DNAJC25: variants seen among roughly 807,000 people sequenced by gnomAD.
DNAJC25 encodes DnaJ heat shock protein family (Hsp40) member C25.
In DNAJC25, 26 loss-of-function variants were observed where a neutral mutation model predicts 42.1. The observed-to-expected ratio is 0.62, with a 90% confidence interval of 0.45 to 0.86. The LOEUF (loss-of-function observed/expected upper bound fraction) is 0.86. Ranked by LOEUF, DNAJC25 falls within the 40% of genes least tolerant of loss-of-function variation. The pLI is 0.00. For synonymous variants in DNAJC25, 189 were observed against 179.9 expected (o/e 1.05, Z -0.40); for missense variants, 404 against 459.4 (o/e 0.88, Z 1.10).
At chr9:111,641,144 C>CTCT (rs1830453248) in intron 1 of DNAJC25, among the ~76,000 whole-genome samples, 2 of 98,166 alleles carry the variant, frequency 2.0e-5, no homozygotes, top group African/African-American at 5.2e-5. Context: ...TCAGCCCCCC[C>CTCT]ACCCGGCCAG....
intron 1 of DNAJC25, among the ~76,000 whole-genome samples, chr9:111,644,500 A>G (rs1349402317): frequency 6.6e-6 from 1 of 152,224 alleles, no homozygotes; most frequent in Non-Finnish European, 1.5e-5. Context: ...GAACAAAAAG[A>G]GAAGATAGTC....
intron 2 of DNAJC25, among the ~76,000 whole-genome samples, 168 bp from the exon 3 acceptor site, chr9:111,649,285 G>T (rs1830612106): frequency 6.6e-6 from 1 of 151,796 alleles, no homozygotes; most frequent in Non-Finnish European, 1.5e-5. Flanking sequence ...TGTACGCATG[G>T]GCTTCGTTCA....
intron 2 of DNAJC25, among the ~76,000 whole-genome samples, chr9:111,648,546 A>T (rs1037998682): frequency 6.6e-6 from 1 of 152,160 alleles, no homozygotes; most frequent in African/African-American, 2.4e-5. Flanking sequence ...CTGGGATTAC[A>T]GGCATGAGCC....
intron 1 of DNAJC25, among the ~76,000 whole-genome samples, chr9:111,633,536 C>T (rs1830319215): frequency 6.6e-6 from 1 of 152,148 alleles, no homozygotes. Context: ...CGCTTACCCT[C>T]TGTGTCAACC....
intron 1 of DNAJC25, among the ~76,000 whole-genome samples, chr9:111,633,172 C>G (rs898417696): frequency 4.6e-5 from 7 of 152,132 alleles, no homozygotes; most frequent in Non-Finnish European, 1.0e-4. Flanking sequence ...TGTAGTCAGC[C>G]AGAAGCCCTG....
At chr9:111,651,650 G>T (rs1258263068) in intron 3 of DNAJC25, among the ~76,000 whole-genome samples, 3 of 152,064 alleles carry the variant, frequency 2.0e-5, no homozygotes, top group Admixed American at 6.6e-5. Context: ...ACTTTGGGAG[G>T]CCCAGGCAGG....
chr9:111,637,407 G>A (rs1425714232), intron 1 of DNAJC25, among the ~76,000 whole-genome samples: 1 of 152,122 alleles, frequency 6.6e-6, no homozygotes, highest in East Asian at 1.9e-4. Flanking sequence ...TTTGAGAATG[G>A]TTTGGGGAGG....
At position 111,631,737 on chromosome 9, in the gene DNAJC25, A is replaced by C. The variant is rs569471817; in HGVS notation, c.330A>C (p.Thr110=). 6.6e-7 allele frequency: 1 copy of C among 1,517,122 alleles called. No homozygotes were observed. Among genetic ancestry groups the C allele is most frequent in the African/African-American group, 1.4e-5 (1 of 70,160 alleles). The allele number at this position is 1,517,122 out of a possible 1,614,324, so 94.0% of individuals were successfully genotyped here. A position where few individuals can be genotyped will look rare whatever the true frequency, so the allele number is the denominator to read the frequency against. The change falls in exon 1 of 4, where the codon ACA becomes ACC. Residue 110 remains threonine, a synonymous_variant. Coordinates refer to ENST00000313525, the MANE Select transcript of DNAJC25 (RefSeq NM_001015882.3). Reference sequence around the variant, plus strand: ...TGCTGGTGGCAACCGCCTACGAGACACTCAAGGTGAGGCCTGCGGGCGTGG... The same window carrying C: ...TGCTGGTGGCAACCGCCTACGAGACCCTCAAGGTGAGGCCTGCGGGCGTGG... The part of the protein sequence containing the change: ...AFLLVATAYE[T]LKDEETRKDY...
chr9:111,646,617 C>A (rs1327105654), intron 1 of DNAJC25, among the ~76,000 whole-genome samples: 1 of 152,202 alleles, frequency 6.6e-6, no homozygotes, highest in Non-Finnish European at 1.5e-5. Flanking sequence ...CGTTGGGCTG[C>A]ATGGGTGTCT....
intron 1 of DNAJC25, among the ~76,000 whole-genome samples, chr9:111,639,100 C>T (rs552889875): frequency 5.3e-5 from 8 of 152,148 alleles, no homozygotes; most frequent in African/African-American, 1.9e-4. Flanking sequence ...AATCCCATTG[C>T]TAGTGTTTTT....
chr9:111,650,284 C>A (rs1830637704), intron 3 of DNAJC25, among the ~76,000 whole-genome samples: 1 of 146,414 alleles, frequency 6.8e-6, no homozygotes, highest in African/African-American at 2.6e-5. Flanking sequence ...TACTGTAAAC[C>A]TAGCCACAGA....
intron 1 of DNAJC25, 41 bp from the exon 2 acceptor site, chr9:111,647,066 A>G: frequency 6.4e-7 from 1 of 1,566,058 alleles, no homozygotes; most frequent in Non-Finnish European, 8.7e-7. Flanking sequence ...AGGCCATTTA[A>G]TGGACTGTCC....
At position 111,647,271 on chromosome 9, in the gene DNAJC25, T is replaced by A. The variant is rs764227926; in HGVS notation, c.489+12T>A. 1.7e-5 allele frequency: 27 copies of A among 1,613,588 alleles called. No homozygotes were observed. In the East Asian group the frequency reaches 5.1e-4, roughly 31 times the overall value. On this transcript the variant is annotated intron_variant, in intron 2 of 3. Coordinates refer to ENST00000313525, the MANE Select transcript of DNAJC25 (RefSeq NM_001015882.3). The stretch of plus-strand genomic sequence containing the variant: ...TTTCGGTGTTTCAGGTATGTATCAA[T>A]GGATATTTTTATCTACATTTATGTG...
In DNAJC25 at chr9:111,649,811, T is replaced by G; in HGVS notation, c.848T>G (p.Leu283Ter). 6.2e-7 allele frequency: 1 copy of G among 1,613,884 alleles called. No homozygotes were observed. The change falls in exon 3 of 4, where the codon TTA becomes TGA. Residue 283 changes from leucine (L) to a stop codon, truncating the protein, a stop_gained. Coordinates refer to ENST00000313525, the MANE Select transcript of DNAJC25 (RefSeq NM_001015882.3). LOFTEE classifies it high-confidence loss of function. ...KGKEYGEEER[L>*]YIIRKSMKMS... ...AAAGAATATGGAGAGGAAGAGAGAT[T>G]ATACATTATACGTAAATCTATGAAG...
intron 1 of DNAJC25, among the ~76,000 whole-genome samples, chr9:111,643,820 C>G (rs963806572): frequency 2.6e-5 from 4 of 151,870 alleles, no homozygotes; most frequent in Admixed American, 1.3e-4. Context: ...TACTTGAGTC[C>G]CAGAAGGATG....
intron 1 of DNAJC25, among the ~76,000 whole-genome samples, chr9:111,645,244 A>G (rs1470437620): frequency 6.8e-6 from 1 of 148,052 alleles, no homozygotes; most frequent in Non-Finnish European, 1.5e-5. Context: ...ATGATCTCAC[A>G]CAGATTCAAA....
intron 1 of DNAJC25, among the ~76,000 whole-genome samples, chr9:111,641,658 C>T: frequency 7.1e-6 from 1 of 141,722 alleles, no homozygotes. Context: ...GCCAGCCGCC[C>T]CGTCCGGGAG....
At chr9:111,647,684 C>G (rs1284886824) in intron 2 of DNAJC25, among the ~76,000 whole-genome samples, 2 of 152,224 alleles carry the variant, frequency 1.3e-5, no homozygotes, top group Non-Finnish European at 2.9e-5. Flanking sequence ...TTGTAACAAC[C>G]AGAAATGTCC....
chr9:111,653,806 T>C lies in DNAJC25; in HGVS notation c.*584T>C, dbSNP rs1244830728. On this transcript the variant is annotated 3_prime_UTR_variant, in exon 4 of 4. Transcript: ENST00000313525. ...TGCTAGAATTTCTCCCCTCTATTCA[T>C]TATAATATTCTTTGTTTTTAAAGCC... 6.6e-6 allele frequency: 1 copy of C among 152,606 alleles called. No homozygotes were observed. The highest frequency in any genetic ancestry group is 1.5e-5 in the Non-Finnish European group (1 of 68,026). 9.5% of individuals were successfully genotyped at this position (152,606 alleles called of 1,614,324 possible). A position where few individuals can be genotyped will look rare whatever the true frequency, so the allele number is the denominator to read the frequency against.
Sources: allele counts gnomAD v4.1 joint callset (sites outside exome capture counted in the v4.1 genomes callset), GRCh38; gene constraint gnomAD v4.1.1; transcripts MANE v1.5; gene names NCBI Gene and HGNC (gene_info 2026-07-23, HGNC 2026-07-21).